The following SH2D2A variants were observed in gnomAD, a reference collection of about 807,000 sequenced individuals.
SH2D2A encodes SH2 domain-containing protein 2A.
Under a neutral mutation model 43.6 loss-of-function variants are expected in SH2D2A, and 33 were observed. The observed-to-expected ratio is 0.76, with a 90% confidence interval of 0.57 to 1.01. The LOEUF (loss-of-function observed/expected upper bound fraction) is 1.01. Among genes scored for constraint, SH2D2A ranks in the 50% least tolerant of loss-of-function variants. The probability of loss-of-function intolerance (pLI) is 0.00; values close to 1 mark genes in which losing one functional copy is unlikely to be tolerated. For missense variants in SH2D2A, 491 were observed against 503.1 expected (o/e 0.98, Z 0.23); for synonymous variants, 212 against 206.1 (o/e 1.03, Z -0.25).
intron 3 of SH2D2A, 89 bp from the exon 4 acceptor site, chr1:156,814,383 C>T (rs1018827350): frequency 3.6e-5 from 56 of 1,539,450 alleles, no homozygotes; most frequent in Non-Finnish European, 4.7e-5. Flanking sequence ...GAACCCCTAC[C>T]CCCAAGCAAG....
intron 3 of SH2D2A, 124 bp from the exon 4 acceptor site, chr1:156,814,418 C>A: frequency 6.7e-7 from 1 of 1,485,692 alleles, no homozygotes; most frequent in Non-Finnish European, 9.0e-7. Context: ...TAGAGAAAGG[C>A]TAGGGCGGAG....
chr1:156,809,096 G>T lies in SH2D2A; in HGVS notation c.1002+107C>A. On this transcript the variant is annotated intron_variant, in intron 7 of 8. Coordinates refer to ENST00000368199, the MANE Select transcript of SH2D2A (RefSeq NM_003975.4). This position sits in a 1 kb window ranked among gnomAD's most constrained non-coding sequence, Gnocchi z 4.8. ...TCTTCCCACATCACCTCACACCTCT[G>T]CCCCTTACCCTGCCCCAGGCATCCA... 1 of 1,170,808 alleles carries T rather than the reference G, an allele frequency of 8.5e-7. No individual in the cohort carries two copies. The highest frequency in any genetic ancestry group is 1.2e-6 in the Non-Finnish European group (1 of 817,514). 72.5% of individuals were successfully genotyped at this position (1,170,808 alleles called of 1,614,324 possible). A position where few individuals can be genotyped will look rare whatever the true frequency, so the allele number is the denominator to read the frequency against.
Position 156,816,827 on chromosome 1 carries a change from C to T in SH2D2A, c.-119G>A, listed in dbSNP as rs1370871248. 1.1e-6 allele frequency: 1 copy of T among 937,228 alleles called. No individual in the cohort carries two copies. The highest frequency in any genetic ancestry group is 1.5e-6 in the Non-Finnish European group (1 of 651,776). 58.1% of individuals were successfully genotyped at this position (937,228 alleles called of 1,614,324 possible). A position where few individuals can be genotyped will look rare whatever the true frequency, so the allele number is the denominator to read the frequency against. On this transcript the variant is annotated 5_prime_UTR_variant, in exon 1 of 9. Transcript: ENST00000368199. ...CTGGCCCCGGGGGCAGGAAATGTCG[C>T]CTTACCCACAGCCTTAGTTCTGGCG... is the stretch of plus-strand genomic sequence containing the variant.
At position 156,809,221 on chromosome 1, in the gene SH2D2A, C is replaced by T; in HGVS notation, c.984G>A (p.Arg328=). 2 of 1,612,560 alleles carry T rather than the reference C, an allele frequency of 1.2e-6. No individual in the cohort carries two copies. The highest frequency in any genetic ancestry group is 1.7e-6 in the Non-Finnish European group (2 of 1,179,162). Reference sequence around the variant, plus strand: ...CATTTACCTGGCCTCCTGGGACAGGCCTGGACCAGCTCTTCCGTAGGACAG... The same window carrying T: ...CATTTACCTGGCCTCCTGGGACAGGTCTGGACCAGCTCTTCCGTAGGACAG... ...GHPVLRKSWS[R]PVPGGQNTGG... is the part of the protein sequence containing the mutation. The change falls in exon 7 of 9, where the codon AGG becomes AGA. Residue 328 remains arginine (R), a synonymous_variant. Coordinates refer to ENST00000368199, the MANE Select transcript of SH2D2A (RefSeq NM_003975.4). This position sits in a 1 kb window ranked among gnomAD's most constrained non-coding sequence, Gnocchi z 4.8.
intron 2 of SH2D2A, 34 bp downstream of exon 2, chr1:156,815,972 C>G: frequency 6.7e-7 from 1 of 1,490,652 alleles, no homozygotes; most frequent in Non-Finnish European, 8.9e-7. Context: ...GATGAGGGAG[C>G]TGCACCACGC....
At chr1:156,815,626 C>G in intron 2 of SH2D2A, 3 of 682,276 alleles carry the variant, frequency 4.4e-6, no homozygotes, top group South Asian at 3.3e-5. Context: ...GAGGGACTGA[C>G]CTAGTTCGCA....
chr1:156,816,245 A>C, intron 1 of SH2D2A, 151 bp from the exon 2 acceptor site: 3 of 1,333,748 alleles, frequency 2.2e-6, no homozygotes, highest in Non-Finnish European at 3.0e-6. Flanking sequence ...GGAGTTTCTC[A>C]GGCATGAGGT....
At chr1:156,813,809 G>A (rs1653597875) in intron 5 of SH2D2A, 39 bp downstream of exon 5, 1 of 1,361,014 alleles carries the variant, frequency 7.3e-7, no homozygotes, top group Non-Finnish European at 9.5e-7. Flanking sequence ...GCGCTGGCCC[G>A]AGACCCTGGG....
At chr1:156,812,012 T>C (rs1653455254) in intron 5 of SH2D2A, among the ~76,000 whole-genome samples, 1 of 152,172 alleles carries the variant, frequency 6.6e-6, no homozygotes, top group Non-Finnish European at 1.5e-5. Context: ...ACTGCACGTG[T>C]AGAAAACAGA....
intron 2 of SH2D2A, 73 bp downstream of exon 2, chr1:156,815,933 C>T (rs372843554): frequency 2.5e-4 from 407 of 1,608,606 alleles, no homozygotes; most frequent in Non-Finnish European, 3.2e-4. Context: ...TGTCCATCTG[C>T]AAGTCCTTCC....
At position 156,809,829 on chromosome 1, in the gene SH2D2A, TGA is replaced by T; in HGVS notation, c.568-24_568-23del. The T allele has an allele frequency of 6.2e-7, 1 of 1,612,932 alleles. No individual in the cohort carries two copies. Among genetic ancestry groups the T allele is most frequent in the Non-Finnish European group, 8.5e-7 (1 of 1,179,652 alleles). On this transcript the variant is annotated intron_variant, in intron 5 of 8. Transcript: ENST00000368199. This position sits in a 1 kb window ranked among gnomAD's most constrained non-coding sequence, Gnocchi z 4.8. ...GAGTCTGCTGGGAAAGAAGGAGGTCTGAGGCACTCGGTGGAGCGTTGGGGTGG... is the reference window on the plus strand; with the variant it reads ...GAGTCTGCTGGGAAAGAAGGAGGTCTGGCACTCGGTGGAGCGTTGGGGTGG...
At chr1:156,815,395 C>T in intron 2 of SH2D2A, 174 bp from the exon 3 acceptor site, 1 of 588,804 alleles carries the variant, frequency 1.7e-6, no homozygotes, top group Non-Finnish European at 3.0e-6. Context: ...TCTTCAGCTC[C>T]AGCTGTTCTG....
In SH2D2A at chr1:156,811,058, G is replaced by T. The variant is rs979382189; in HGVS notation, c.568-1251C>A. On this transcript the variant is annotated intron_variant, in intron 5 of 8. Transcript: ENST00000368199. ...CTGCAGATATACTGTGGAAATCAAA[G>T]AATTCTTTTTCCTGCCCTAACCCCC... Among the ~76,000 whole-genome samples the T allele has an allele frequency of 4.6e-5, 7 of 152,224 alleles. No homozygotes were observed. In the East Asian group the frequency reaches 9.7e-4, roughly 21 times the overall value.
At position 156,815,128 on chromosome 1, in the gene SH2D2A, C is replaced by T. The variant is rs140223547; in HGVS notation, c.217G>A (p.Glu73Lys). ...PGEGSLFLQA[E>K]TRAWFQKTQA... is the part of the protein sequence containing the mutation. ...GTCTTCTGGAACCAAGCCCGGGTCT[C>T]GGCCTGCAGGAACAGGCTTCCTTCT... Residue 73 changes from glutamate (E) to lysine (K), a missense_variant, in exon 3 of 9, where the codon GAG becomes AAG. Transcript: ENST00000368199. 1.6e-4 allele frequency: 259 copies of T among 1,609,802 alleles called. No individual in the cohort carries two copies. Among genetic ancestry groups the T allele is most frequent in the Middle Eastern group, 5.1e-4 (3 of 5,828 alleles).
Position 156,816,784 on chromosome 1 carries a change from A to C in SH2D2A, c.-76T>G. 1 of 1,362,890 alleles carries C rather than the reference A, an allele frequency of 7.3e-7. No homozygotes were observed. The highest frequency in any genetic ancestry group is 9.9e-7 in the Non-Finnish European group (1 of 1,011,492). The allele number at this position is 1,362,890 out of a possible 1,614,324, so 84.4% of individuals were successfully genotyped here. On this transcript the variant is annotated 5_prime_UTR_variant, in exon 1 of 9. An upstream start codon of the reference 5' UTR is lost. Coordinates refer to ENST00000368199, the MANE Select transcript of SH2D2A (RefSeq NM_003975.4). ...GAAAGGTGTGCACACTCAGCAACTC[A>C]TCATCTCTCCTCTCACCCTGGCCCC...
rs997882535 is a variant in SH2D2A at position 156,809,615 on chromosome 1, C to A, written c.714+46G>T. ...TCCTCCTCCCCGCTGCCTGCACCCC[C>A]TCGCAGGCCTGTCCTCCCACTCCCT... On this transcript the variant is annotated intron_variant, in intron 6 of 8. Coordinates refer to ENST00000368199, the MANE Select transcript of SH2D2A (RefSeq NM_003975.4). This position sits in a 1 kb window ranked among gnomAD's most constrained non-coding sequence, Gnocchi z 4.8. 2 of 1,577,748 alleles carry A rather than the reference C, an allele frequency of 1.3e-6. No homozygotes were observed. The highest frequency in any genetic ancestry group is 1.7e-6 in the Non-Finnish European group (2 of 1,163,132).
Position 156,809,409 on chromosome 1 carries a change from G to A in SH2D2A, c.796C>T (p.Arg266Ter), listed in dbSNP as rs143525606. ...PPEVYTIPVPRHRPAPRPKPS... is the reference protein window; with the variant it reads ...PPEVYTIPVP ...TTGGGGCGTGGGGCCGGGCGGTGTC[G>A]TGGAACAGGGATTGTGTAGACTTCT... Residue 266 changes from arginine to a stop codon, truncating the protein, a stop_gained, in exon 7 of 9, where the codon CGA (arginine) becomes TGA (stop). Coordinates refer to ENST00000368199, the MANE Select transcript of SH2D2A (RefSeq NM_003975.4). LOFTEE classifies it high-confidence loss of function. This position sits in a 1 kb window ranked among gnomAD's most constrained non-coding sequence, Gnocchi z 4.8. 8.1e-6 allele frequency: 13 copies of A among 1,613,830 alleles called. No homozygotes were observed. The East Asian group carries it at 8.9e-5, about 11-fold the overall frequency.
rs756086205 is a variant in SH2D2A, at chr1:156,816,663, CT to C, written c.34+11del. ...GCCCCCTCCCACCCATATCCTTCAA[CT>C]TCACACTTACCTTGGGGACATATCT... On this transcript the variant is annotated intron_variant, in intron 1 of 8. Transcript: ENST00000368199. The C allele has an allele frequency of 1.2e-6, 2 of 1,602,334 alleles. No homozygotes were observed. Among genetic ancestry groups the C allele is most frequent in the Non-Finnish European group, 8.5e-7 (1 of 1,173,956 alleles).
intron 3 of SH2D2A, 53 bp from the exon 4 acceptor site, chr1:156,814,347 G>A: frequency 1.3e-6 from 2 of 1,585,110 alleles, no homozygotes; most frequent in Admixed American, 3.6e-5. Flanking sequence ...TTCCAGCCTC[G>A]CCTCTGTCTC....
Sources: gnomAD v4.1 joint callset for allele counts (sites outside exome capture counted in the v4.1 genomes callset) on GRCh38, gnomAD v4.1.1 for gene constraint, Gnocchi (gnomAD v3.1) non-coding constraint, MANE v1.5 for transcripts, NCBI Gene and HGNC (gene_info 2026-07-23, HGNC 2026-07-21) for gene names.